MEF2C: variants seen among roughly 807,000 people sequenced by gnomAD.
The protein encoded by MEF2C is myocyte enhancer factor 2C.
MEF2C carries 6 observed loss-of-function variants against 50.5 expected under a neutral mutation model. The ratio of observed to expected loss-of-function variants is 0.12; its 90% confidence interval spans 0.07 to 0.23. The LOEUF (loss-of-function observed/expected upper bound fraction) is 0.23, where lower values mean the gene tolerates loss of function less well. MEF2C is among the 10% of genes least tolerant of loss of function. MEF2C has a pLI of 1.00. For synonymous variants in MEF2C, 183 were observed against 228.0 expected, an observed-to-expected ratio of 0.80 and a Z score of 1.78; for missense variants, 276 against 605.0, an observed-to-expected ratio of 0.46 and a Z score of 5.70.
intron 1 of MEF2C, among the ~76,000 whole-genome samples, chr5:88,866,386 T>G (rs1248487907): frequency 6.6e-6 from 1 of 152,232 alleles, no homozygotes; most frequent in African/African-American, 2.4e-5. Flanking sequence ...TAGCTATTAA[T>G]TTTGAAGTCC....
intron 1 of MEF2C, among the ~76,000 whole-genome samples, chr5:88,841,206 C>T (rs1817221269): frequency 6.6e-6 from 1 of 152,084 alleles, no homozygotes; most frequent in South Asian, 2.1e-4. Flanking sequence ...TAAAATAGTT[C>T]CTGCTACTGA....
chr5:88,746,713 C>G, intron 6 of MEF2C: 3 of 984,934 alleles, frequency 3.0e-6, no homozygotes, highest in Non-Finnish European at 3.6e-6. Flanking sequence ...ATATATTCAG[C>G]CTGACATATG....
chr5:88,890,241 A>C (rs1834394092), intron 1 of MEF2C, among the ~76,000 whole-genome samples: 1 of 152,238 alleles, frequency 6.6e-6, no homozygotes, highest in East Asian at 1.9e-4. Context: ...TAAAACACAC[A>C]CTTTAAAGAC....
chr5:88,798,237 A>C (rs1265629566), intron 3 of MEF2C, among the ~76,000 whole-genome samples: 1 of 152,086 alleles, frequency 6.6e-6, no homozygotes, highest in Non-Finnish European at 1.5e-5. Context: ...AGTGTTTTCC[A>C]ACTTGGTTCC....
intron 6 of MEF2C, chr5:88,735,354 C>T: frequency 2.0e-6 from 2 of 985,282 alleles, no homozygotes; most frequent in Non-Finnish European, 2.4e-6. Flanking sequence ...TTTTTTCATG[C>T]TATGTTTTAA....
chr5:88,740,799 A>G, intron 6 of MEF2C: 1 of 985,318 alleles, frequency 1.0e-6, no homozygotes, highest in Non-Finnish European at 1.2e-6. Flanking sequence ...CCATTTAACT[A>G]TGAATGATAG....
chr5:88,840,310 C>T (rs1445908205), intron 1 of MEF2C, among the ~76,000 whole-genome samples: 1 of 152,174 alleles, frequency 6.6e-6, no homozygotes, highest in Non-Finnish European at 1.5e-5. Context: ...TGATCACGTC[C>T]TCATGTCATA....
chr5:88,744,691 CTAATGTATTAT>C (rs1462541791), intron 6 of MEF2C, among the ~76,000 whole-genome samples: 1 of 152,214 alleles, frequency 6.6e-6, no homozygotes, highest in Non-Finnish European at 1.5e-5. Flanking sequence ...CTGTTACTAA[CTAATGTATTAT>C]AATGACTTGC....
chr5:88,812,152 T>C (rs1803132650), intron 2 of MEF2C, among the ~76,000 whole-genome samples: 1 of 152,200 alleles, frequency 6.6e-6, no homozygotes, highest in African/African-American at 2.4e-5. Flanking sequence ...TCAGCTTGTG[T>C]TACCATTATT....
chr5:88,884,989 A>G (rs568749852), upstream of MEF2C, among the ~76,000 whole-genome samples: 53 of 152,344 alleles, frequency 3.5e-4, no homozygotes, highest in African/African-American at 1.2e-3. Context: ...AAACCAAACT[A>G]TTTTTTAAAA....
At chr5:88,786,150 A>C (rs548311642) in intron 3 of MEF2C, among the ~76,000 whole-genome samples, 3 of 152,340 alleles carry the variant, frequency 2.0e-5, no homozygotes, top group African/African-American at 7.2e-5. Context: ...GGAGGGAAAG[A>C]AGCTTCCTCC....
At chr5:88,766,738 G>T (rs1020121624) in intron 3 of MEF2C, 10 of 984,952 alleles carry the variant, frequency 1.0e-5, no homozygotes, top group Admixed American at 1.2e-4. Flanking sequence ...TTGTTGCATA[G>T]GTAGTGTGAT....
chr5:88,871,229 C>G (rs1374703168), intron 1 of MEF2C, among the ~76,000 whole-genome samples: 1 of 151,860 alleles, frequency 6.6e-6, no homozygotes, highest in Non-Finnish European at 1.5e-5. Context: ...TGATTAACAG[C>G]CATTTTCCAG....
At chr5:88,843,818 T>C (rs1818319516) in intron 1 of MEF2C, among the ~76,000 whole-genome samples, 1 of 151,094 alleles carries the variant, frequency 6.6e-6, no homozygotes, top group Non-Finnish European at 1.5e-5. Context: ...TTTTTTTTTT[T>C]TTTTTTGAGA....
intron 2 of MEF2C, among the ~76,000 whole-genome samples, chr5:88,810,502 G>A (rs182014542): frequency 1.3e-5 from 2 of 148,776 alleles, no homozygotes; most frequent in African/African-American, 5.0e-5. Context: ...GAATGGGGAG[G>A]ATCCATGGGT....
intron 1 of MEF2C, among the ~76,000 whole-genome samples, chr5:88,869,783 AT>A (rs940208035): frequency 6.7e-6 from 1 of 149,946 alleles, no homozygotes; most frequent in African/African-American, 2.5e-5. Context: ...AATTAATTTC[AT>A]AACTAATTAT....
At chr5:88,861,590 A>C (rs1019592432) in intron 1 of MEF2C, among the ~76,000 whole-genome samples, 1 of 152,202 alleles carries the variant, frequency 6.6e-6, no homozygotes, top group Non-Finnish European at 1.5e-5. Context: ...ATAGATTTAT[A>C]AGTTAAAATC....
intron 1 of MEF2C, among the ~76,000 whole-genome samples, chr5:88,851,365 C>G (rs2153384639): frequency 6.6e-6 from 1 of 152,122 alleles, no homozygotes; most frequent in East Asian, 1.9e-4. Flanking sequence ...TTTTGGAGAG[C>G]CAAAAGTTAT....
At position 88,882,672 on chromosome 5, in the gene MEF2C, G is replaced by T. The variant is rs146838147; in HGVS notation, c.-143+283C>A. ...ACCATATCAAACATGCTAATGACGT[G>T]AACTAACTTCATGAAACTTTAAATA... On this transcript the variant is annotated intron_variant, in intron 1 of 10. Transcript: ENST00000504921. Among the ~76,000 whole-genome samples, 329 of 152,282 alleles carry T rather than the reference G, an allele frequency of 2.2e-3. 1 individual carries two copies. The highest frequency in any genetic ancestry group is 3.5e-3 in the Non-Finnish European group (237 of 68,026).
Sources: allele counts gnomAD v4.1 joint callset (sites outside exome capture counted in the v4.1 genomes callset), GRCh38; gene constraint gnomAD v4.1.1; transcripts MANE v1.5; gene names NCBI Gene and HGNC (gene_info 2026-07-23, HGNC 2026-07-21).